GALNT13: variants seen among roughly 807,000 people sequenced by gnomAD.
GALNT13 encodes UDP-GalNAc:polypeptide N-acetylgalactosaminyltransferase 13.
GALNT13 carries 28 observed loss-of-function variants against 64.2 expected under a neutral mutation model. The observed-to-expected ratio is 0.44, with a 90% CI of 0.32 to 0.60. The LOEUF is 0.60. Among genes scored for constraint, GALNT13 ranks in the 20% least tolerant of loss-of-function variants. The pLI, the probability that GALNT13 is intolerant of heterozygous loss-of-function variation, is 0.05. For synonymous variants in GALNT13, 214 were observed against 224.6 expected, an observed-to-expected ratio of 0.95 and a Z score of 0.42; for missense variants, 577 against 669.8, an observed-to-expected ratio of 0.86 and a Z score of 1.53.
At chr2:153,514,876 C>T in the GALNT13 span, among the ~76,000 whole-genome samples, 4 of 152,094 alleles carry the variant, frequency 2.6e-5, no homozygotes, top group East Asian at 1.9e-4. Context: ...GTAATCGGGA[C>T]GGGACAATGT....
chr2:153,930,513 GA>G, intron 2 of GALNT13, among the ~76,000 whole-genome samples: 1 of 152,266 alleles, frequency 6.6e-6, no homozygotes. Context: ...TACATATGGT[GA>G]AAGGAATTTC....
chr2:153,960,486 C>T (rs1692869194), intron 3 of GALNT13, among the ~76,000 whole-genome samples: 1 of 152,182 alleles, frequency 6.6e-6, no homozygotes, highest in African/African-American at 2.4e-5. Context: ...GCAGGCCCAT[C>T]CCATAGACAG....
intron 4 of GALNT13, among the ~76,000 whole-genome samples, chr2:154,171,794 G>C (rs1685362923): frequency 6.6e-6 from 1 of 152,038 alleles, no homozygotes. Context: ...CTTCTAGCCT[G>C]CTGTGAGTCA....
At chr2:154,445,961 A>C (rs1701549614) in intron 12 of GALNT13, 1 of 492,704 alleles carries the variant, frequency 2.0e-6, no homozygotes, top group African/African-American at 2.0e-5. Context: ...GAATTAGATT[A>C]AGAGTTAATC....
chr2:153,692,558 G>GAATAAATC, the GALNT13 span, among the ~76,000 whole-genome samples: 2 of 152,124 alleles, frequency 1.3e-5, no homozygotes, highest in Non-Finnish European at 2.9e-5. Flanking sequence ...TCTTTAGTTG[G>GAATAAATC]AATAAATCAA....
chr2:153,286,852 A>G, the GALNT13 span, among the ~76,000 whole-genome samples: 11 of 152,324 alleles, frequency 7.2e-5, no homozygotes, highest in South Asian at 4.1e-4. Context: ...TCTATGAATG[A>G]ACCAGTATCC....
chr2:154,224,439 TAA>T (rs1185219631), intron 4 of GALNT13, among the ~76,000 whole-genome samples: 1 of 151,662 alleles, frequency 6.6e-6, no homozygotes. Context: ...TCAGAATGAA[TAA>T]AGGGGCTCAC....
the GALNT13 span, among the ~76,000 whole-genome samples, chr2:153,086,001 A>G: frequency 3.3e-5 from 5 of 152,370 alleles, no homozygotes; most frequent in South Asian, 2.1e-4. Context: ...AATGTGAGAC[A>G]TGGAGTCAAA....
At chr2:153,235,885 C>T in the GALNT13 span, among the ~76,000 whole-genome samples, 2 of 152,136 alleles carry the variant, frequency 1.3e-5, no homozygotes, top group Non-Finnish European at 2.9e-5. Context: ...AATGAAAAAG[C>T]ATGTTCAAAG....
chr2:153,619,684 T>C, the GALNT13 span, among the ~76,000 whole-genome samples: 1 of 152,138 alleles, frequency 6.6e-6, no homozygotes, highest in Non-Finnish European at 1.5e-5. Flanking sequence ...TTATTTCTTC[T>C]TCATGTTTGA....
the GALNT13 span, among the ~76,000 whole-genome samples, chr2:153,259,167 C>T: frequency 6.6e-6 from 1 of 152,132 alleles, no homozygotes; most frequent in Non-Finnish European, 1.5e-5. Context: ...ACCCCCTTAT[C>T]ATTGTATAAT....
the GALNT13 span, among the ~76,000 whole-genome samples, chr2:153,175,366 G>A: frequency 2.0e-3 from 300 of 152,244 alleles, 2 homozygotes; most frequent in African/African-American, 6.8e-3. Context: ...ATGGGGGCAG[G>A]AAGGTGCATA....
At chr2:153,156,324 G>A in the GALNT13 span, among the ~76,000 whole-genome samples, 1 of 152,096 alleles carries the variant, frequency 6.6e-6, no homozygotes, top group African/African-American at 2.4e-5. Context: ...CACATAGTTC[G>A]AACTTTGTTT....
chr2:153,119,479 C>G, the GALNT13 span, among the ~76,000 whole-genome samples: 1 of 152,014 alleles, frequency 6.6e-6, no homozygotes, highest in East Asian at 1.9e-4. Flanking sequence ...GAGTAGGAAA[C>G]AAAATTTGTC....
At chr2:153,690,461 A>G in the GALNT13 span, among the ~76,000 whole-genome samples, 5 of 152,140 alleles carry the variant, frequency 3.3e-5, no homozygotes, top group African/African-American at 7.2e-5. Flanking sequence ...TCTGTCTTCA[A>G]GAATCTCAGT....
chr2:153,691,711 G>A, the GALNT13 span, among the ~76,000 whole-genome samples: 1 of 151,902 alleles, frequency 6.6e-6, no homozygotes. Context: ...CATACCAGAA[G>A]GTCTATAAGT....
At chr2:153,932,046 G>A (rs1287485301) in intron 2 of GALNT13, among the ~76,000 whole-genome samples, 1 of 151,990 alleles carries the variant, frequency 6.6e-6, no homozygotes, top group Non-Finnish European at 1.5e-5. Flanking sequence ...ACTCACCCGG[G>A]AATTTATCCA....
At chr2:153,159,066 C>T in the GALNT13 span, 1 of 175,284 alleles carries the variant, frequency 5.7e-6, no homozygotes, top group Non-Finnish European at 1.3e-5. Context: ...TCTTGCTCCT[C>T]TACCACCTCT....
At chr2:153,506,124 T>G in the GALNT13 span, among the ~76,000 whole-genome samples, 1 of 152,188 alleles carries the variant, frequency 6.6e-6, no homozygotes, top group African/African-American at 2.4e-5. Context: ...TTTTTATTCC[T>G]GCTGCTTTAC....
Sources: allele counts gnomAD v4.1 joint callset (sites outside exome capture counted in the v4.1 genomes callset), GRCh38; gene constraint gnomAD v4.1.1; transcripts MANE v1.5; gene names NCBI Gene and HGNC (gene_info 2026-07-23, HGNC 2026-07-21).